SLC38A6: variants seen among roughly 807,000 people sequenced by gnomAD.
SLC38A6 encodes the protein solute carrier family 38 member 6.
In SLC38A6, 73 loss-of-function variants were observed where a neutral mutation model predicts 65.0. The observed-to-expected ratio is 1.12, with a 90% CI of 0.93 to 1.37. The LOEUF is 1.37. Among genes scored for constraint, SLC38A6 ranks in the 40% most tolerant of loss-of-function variants. The probability of loss-of-function intolerance (pLI) is 0.00; values close to 1 mark genes in which losing one functional copy is unlikely to be tolerated. For synonymous variants in SLC38A6, 183 were observed against 178.8 expected (o/e 1.02, Z -0.19); for missense variants, 561 against 531.1 (o/e 1.06, Z -0.55).
intron 12 of SLC38A6, among the ~76,000 whole-genome samples, chr14:61,049,243 A>G (rs558171263): frequency 1.7e-4 from 26 of 152,288 alleles, no homozygotes; most frequent in African/African-American, 6.0e-4. Context: ...CTCATGCAGA[A>G]CTGTATTACT....
At chr14:60,992,177 T>C (rs1180406289) in intron 3 of SLC38A6, among the ~76,000 whole-genome samples, 2 of 152,192 alleles carry the variant, frequency 1.3e-5, no homozygotes, top group Non-Finnish European at 2.9e-5. Flanking sequence ...CAAAAATAGG[T>C]TGACGACTCT....
chr14:61,039,030 T>G (rs908520802), intron 8 of SLC38A6, among the ~76,000 whole-genome samples: 1 of 152,220 alleles, frequency 6.6e-6, no homozygotes, highest in Admixed American at 6.5e-5. Context: ...AGATAACATA[T>G]TGAATTTTTC....
chr14:61,066,344 A>G (rs1438388023), intron 15 of SLC38A6, among the ~76,000 whole-genome samples: 2 of 152,192 alleles, frequency 1.3e-5, no homozygotes, highest in Non-Finnish European at 2.9e-5. Context: ...TGTGTTTATT[A>G]TCACAGTAAT....
intron 15 of SLC38A6, among the ~76,000 whole-genome samples, chr14:61,066,730 G>A (rs1055151069): frequency 1.3e-4 from 20 of 152,030 alleles, no homozygotes; most frequent in African/African-American, 4.1e-4. Context: ...GTAAACATGC[G>A]CAGATTTTGC....
At chr14:60,988,863 G>T (rs1405362506) in intron 3 of SLC38A6, among the ~76,000 whole-genome samples, 8 of 152,106 alleles carry the variant, frequency 5.3e-5, no homozygotes, top group African/African-American at 1.9e-4. Context: ...CTTCACATTT[G>T]CACCCATGCA....
At chr14:61,062,669 A>T (rs2042891726) in intron 15 of SLC38A6, among the ~76,000 whole-genome samples, 1 of 151,596 alleles carries the variant, frequency 6.6e-6, no homozygotes, top group African/African-American at 2.4e-5. Flanking sequence ...TTTAGATTTT[A>T]TATTTCTGGG....
At chr14:61,070,179 A>G (rs558501557) in intron 15 of SLC38A6, among the ~76,000 whole-genome samples, 1 of 152,222 alleles carries the variant, frequency 6.6e-6, no homozygotes, top group South Asian at 2.1e-4. Context: ...CATGACTAAA[A>G]CTCTGTGCCT....
chr14:61,033,908 A>G (rs2139691071), intron 6 of SLC38A6: 1 of 152,324 alleles, frequency 6.6e-6, no homozygotes, highest in Non-Finnish European at 1.5e-5. Flanking sequence ...TTAAGAATTT[A>G]AAGTTCAATC....
At chr14:61,018,012 G>A (rs1201258878) in intron 4 of SLC38A6, among the ~76,000 whole-genome samples, 2 of 152,044 alleles carry the variant, frequency 1.3e-5, no homozygotes, top group African/African-American at 4.8e-5. Flanking sequence ...TTATTCACCA[G>A]ACAAATATTT....
In SLC38A6 at chr14:61,011,303, A is replaced by G. The variant is rs186024210; in HGVS notation, c.311-4601A>G. On this transcript the variant is annotated intron_variant, in intron 3 of 15. Coordinates refer to ENST00000267488, the MANE Select transcript of SLC38A6 (RefSeq NM_153811.3). ...GGGCCGAGATGGTGGGGTTTTCGAG[A>G]TATACAATCATGTCATCTGCAAACA... Among the ~76,000 whole-genome samples, 433 of 152,274 alleles carry G rather than the reference A, an allele frequency of 2.8e-3. 2 individuals carry two copies. The highest frequency in any genetic ancestry group is 8.3e-3 in the Admixed American group (127 of 15,292).
intron 9 of SLC38A6, 61 bp downstream of exon 9, chr14:61,043,273 A>G: frequency 1.7e-6 from 2 of 1,200,896 alleles, no homozygotes; most frequent in Non-Finnish European, 2.4e-6. Flanking sequence ...AAGAAAAGAA[A>G]GACTAATGAT....
intron 15 of SLC38A6, among the ~76,000 whole-genome samples, chr14:61,075,266 C>A (rs2043361393): frequency 6.6e-6 from 1 of 152,150 alleles, no homozygotes; most frequent in Admixed American, 6.5e-5. Flanking sequence ...CACAAAAATA[C>A]CTTGTGTGAA....
At chr14:61,083,401 T>G in intron 16 of SLC38A6, 1 of 1,165,850 alleles carries the variant, frequency 8.6e-7, no homozygotes, top group Non-Finnish European at 1.2e-6. Flanking sequence ...ATGCACTCAA[T>G]TGTGTTCCAA....
chr14:61,077,227 CA>C (rs2043452134), intron 15 of SLC38A6, among the ~76,000 whole-genome samples: 1 of 152,194 alleles, frequency 6.6e-6, no homozygotes, highest in Non-Finnish European at 1.5e-5. Context: ...CATAGACCAA[CA>C]CTTGGAAACT....
rs571117140 is a variant in SLC38A6, at chr14:60,991,095, C to T, written c.310+6292C>T. Reference sequence around the variant, plus strand: ...CTTTTTGTTTTTACTTCCACTCTTACTTCCTGCAGTCTATTCTTAACAAAA... The same window carrying T: ...CTTTTTGTTTTTACTTCCACTCTTATTTCCTGCAGTCTATTCTTAACAAAA... On this transcript the variant is annotated intron_variant, in intron 3 of 15. Transcript: ENST00000267488. Among the ~76,000 whole-genome samples the T allele has an allele frequency of 4.6e-5, 7 of 152,320 alleles. No individual in the cohort carries two copies. The East Asian group carries it at 1.2e-3, about 25-fold the overall frequency.
intron 5 of SLC38A6, among the ~76,000 whole-genome samples, chr14:61,020,007 A>G (rs2040259123): frequency 6.6e-6 from 1 of 152,176 alleles, no homozygotes; most frequent in Non-Finnish European, 1.5e-5. Flanking sequence ...GTCCTCTTGT[A>G]ACCAAGAATT....
At chr14:61,024,126 C>T (rs1297150809) in intron 5 of SLC38A6, among the ~76,000 whole-genome samples, 2 of 152,076 alleles carry the variant, frequency 1.3e-5, no homozygotes, top group African/African-American at 2.4e-5. Context: ...TCGTTTTTCT[C>T]CCCCAAGATT....
At chr14:61,046,268 T>C in intron 12 of SLC38A6, 101 bp downstream of exon 12, 1 of 728,756 alleles carries the variant, frequency 1.4e-6, no homozygotes, top group Non-Finnish European at 2.3e-6. Flanking sequence ...CTAAGTTAAT[T>C]TGCTCAGATC....
In SLC38A6 at chr14:61,037,056, T is replaced by C. The variant is rs540858387; in HGVS notation, c.483-3T>C. ...GCCTAAAGTAGAACTTTTTTTATAA[T>C]AGATATTGGTATCTTGATGGACAAA... is the stretch of plus-strand genomic sequence containing the variant. On this transcript the variant is annotated splice_polypyrimidine_tract_variant and splice_region_variant and intron_variant, in intron 6 of 15. Coordinates refer to ENST00000267488, the MANE Select transcript of SLC38A6 (RefSeq NM_153811.3). The C allele has an allele frequency of 4.4e-6, 7 of 1,605,880 alleles. No individual in the cohort carries two copies. Among genetic ancestry groups the C allele is most frequent in the African/African-American group, 4.0e-5 (3 of 74,658 alleles).
Sources: gnomAD v4.1 joint callset for allele counts (sites outside exome capture counted in the v4.1 genomes callset) on GRCh38, gnomAD v4.1.1 for gene constraint, MANE v1.5 for transcripts, NCBI Gene and HGNC (gene_info 2026-07-23, HGNC 2026-07-21) for gene names.